Variants in CCDC102B observed in about 807,000 individuals in gnomAD.
CCDC102B encodes coiled-coil domain-containing protein 102B.
In CCDC102B, 75 loss-of-function variants were observed where a neutral mutation model predicts 57.4. The observed-to-expected ratio is 1.31, with a 90% CI of 1.08 to 1.58. The LOEUF (loss-of-function observed/expected upper bound fraction) is 1.58. CCDC102B is among the 40% of genes most tolerant of loss of function. The probability of loss-of-function intolerance (pLI) is 0.00; values close to 1 mark genes in which losing one functional copy is unlikely to be tolerated. For missense variants in CCDC102B, 636 were observed against 582.6 expected, an observed-to-expected ratio of 1.09 and a Z score of -0.94; for synonymous variants, 206 against 201.9, an observed-to-expected ratio of 1.02 and a Z score of -0.17.
intron 4 of CCDC102B, among the ~76,000 whole-genome samples, chr18:68,867,944 C>CA (rs201696550): frequency 1.5e-4 from 22 of 148,188 alleles, no homozygotes; most frequent in East Asian, 9.8e-4. Context: ...CAAAACAAAA[C>CA]AAAAAAAAAG....
Position 68,894,622 on chromosome 18 carries a change from T to A in CCDC102B, c.1054-2597T>A, listed in dbSNP as rs1383655329. On this transcript the variant is annotated intron_variant, in intron 5 of 7. Coordinates refer to ENST00000360242, the MANE Select transcript of CCDC102B (RefSeq NM_024781.3). ...TTTAAGTTAGTGAATTTTCATATGA[T>A]TCTTGGAAAAGAATGATGTGATAAG... is the stretch of plus-strand genomic sequence containing the variant. Among the ~76,000 whole-genome samples, 19 of 151,866 alleles carry A rather than the reference T, an allele frequency of 1.3e-4. 1 individual carries two copies. The highest frequency in any genetic ancestry group is 1.2e-3 in the Admixed American group (19 of 15,228).
At chr18:69,030,932 T>G (rs974437554) in intron 7 of CCDC102B, among the ~76,000 whole-genome samples, 17 of 152,104 alleles carry the variant, frequency 1.1e-4, no homozygotes, top group African/African-American at 4.1e-4. Context: ...GGATTACAAG[T>G]GTGAGTCACC....
chr18:69,051,032 G>A (rs1014512247), intron 7 of CCDC102B, among the ~76,000 whole-genome samples: 9 of 151,972 alleles, frequency 5.9e-5, no homozygotes, highest in South Asian at 2.1e-4. Flanking sequence ...CTACAGGCAC[G>A]TGCCACCAGG....
At chr18:68,977,284 A>C (rs2050462520) in intron 6 of CCDC102B, among the ~76,000 whole-genome samples, 1 of 151,974 alleles carries the variant, frequency 6.6e-6, no homozygotes, top group Non-Finnish European at 1.5e-5. Context: ...AAAAAATTGT[A>C]CTTTAAGTTC....
At chr18:68,853,424 A>G (rs1473472518) in intron 4 of CCDC102B, among the ~76,000 whole-genome samples, 1 of 152,026 alleles carries the variant, frequency 6.6e-6, no homozygotes, top group Non-Finnish European at 1.5e-5. Flanking sequence ...ACTAAATGCT[A>G]TCTATGAAAA....
intron 6 of CCDC102B, among the ~76,000 whole-genome samples, chr18:68,914,974 GGAGA>G (rs59012789): frequency 5.4e-5 from 8 of 147,540 alleles, no homozygotes; most frequent in African/African-American, 1.0e-4. Flanking sequence ...ACTACTGGGG[GGAGA>G]GAGAGAGAGA....
At chr18:68,880,135 T>C (rs1302516485) in intron 5 of CCDC102B, among the ~76,000 whole-genome samples, 1 of 152,200 alleles carries the variant, frequency 6.6e-6, no homozygotes, top group East Asian at 1.9e-4. Flanking sequence ...TCCCGAGCCC[T>C]GCCCCGCCCA....
At chr18:69,007,269 T>C (rs1490959465) in intron 6 of CCDC102B, among the ~76,000 whole-genome samples, 1 of 152,132 alleles carries the variant, frequency 6.6e-6, no homozygotes, top group African/African-American at 2.4e-5. Context: ...AAGCTATGAG[T>C]TTGGCTCTAA....
chr18:68,901,460 G>A (rs1599659512), intron 6 of CCDC102B, among the ~76,000 whole-genome samples: 2 of 152,122 alleles, frequency 1.3e-5, no homozygotes, highest in Admixed American at 6.5e-5. Flanking sequence ...ACATGCAGGG[G>A]TCTCTGGCTT....
chr18:68,858,681 T>G (rs1161267618), intron 4 of CCDC102B, among the ~76,000 whole-genome samples: 1 of 152,162 alleles, frequency 6.6e-6, no homozygotes, highest in East Asian at 1.9e-4. Context: ...AGTGTTATTC[T>G]CTGTGATTTG....
At chr18:68,916,774 G>C (rs373067030) in intron 6 of CCDC102B, among the ~76,000 whole-genome samples, 2 of 152,168 alleles carry the variant, frequency 1.3e-5, no homozygotes, top group Non-Finnish European at 2.9e-5. Context: ...TAGTACATTC[G>C]TTGCATTGCT....
intron 6 of CCDC102B, among the ~76,000 whole-genome samples, chr18:68,921,558 T>A (rs1302756117): frequency 6.6e-6 from 1 of 152,180 alleles, no homozygotes; most frequent in African/African-American, 2.4e-5. Context: ...ATCACAAGGG[T>A]CCTTAAATAT....
intron 2 of CCDC102B, among the ~76,000 whole-genome samples, chr18:68,731,907 A>G: frequency 6.8e-6 from 1 of 146,098 alleles, no homozygotes; most frequent in Non-Finnish European, 1.5e-5. Flanking sequence ...GAGGAAATAA[A>G]TCTTTATTTA....
chr18:68,896,907 A>G (rs907777642), intron 5 of CCDC102B, among the ~76,000 whole-genome samples: 11 of 152,040 alleles, frequency 7.2e-5, no homozygotes, highest in African/African-American at 2.4e-4. Flanking sequence ...AATGTTTATC[A>G]GTTGAGAGTG....
chr18:68,848,130 C>T (rs760384348), intron 4 of CCDC102B, among the ~76,000 whole-genome samples: 12 of 151,618 alleles, frequency 7.9e-5, no homozygotes, highest in Non-Finnish European at 1.6e-4. Context: ...TGGGTTATAA[C>T]AGACAAGAAT....
At chr18:68,795,899 C>A (rs1200820165), upstream of CCDC102B, among the ~76,000 whole-genome samples, 1 of 152,108 alleles carries the variant, frequency 6.6e-6, no homozygotes, top group Non-Finnish European at 1.5e-5. Context: ...CAATGATGGC[C>A]TCTTGAAGGT....
At chr18:68,893,549 A>G (rs1474622919) in intron 5 of CCDC102B, among the ~76,000 whole-genome samples, 1 of 152,068 alleles carries the variant, frequency 6.6e-6, no homozygotes, top group Non-Finnish European at 1.5e-5. Flanking sequence ...TTTCCTGGAG[A>G]CTGTCATTAT....
intron 7 of CCDC102B, among the ~76,000 whole-genome samples, chr18:69,031,169 A>T (rs1254207244): frequency 6.6e-6 from 1 of 152,134 alleles, no homozygotes; most frequent in African/African-American, 2.4e-5. Flanking sequence ...GTCATTTTAG[A>T]ATTGGAAGGA....
chr18:69,046,871 A>G (rs115798093), intron 7 of CCDC102B, among the ~76,000 whole-genome samples: 3,080 of 151,888 alleles, frequency 0.02, 95 homozygotes, highest in African/African-American at 0.069. Flanking sequence ...CCCGTTGCTC[A>G]TTTTTGTCAG....
Sources: gnomAD v4.1 joint callset for allele counts (sites outside exome capture counted in the v4.1 genomes callset) on GRCh38, gnomAD v4.1.1 for gene constraint, MANE v1.5 for transcripts, NCBI Gene and HGNC (gene_info 2026-07-23, HGNC 2026-07-21) for gene names.